TMEM132B: variants seen among roughly 807,000 people sequenced by gnomAD.
The protein encoded by TMEM132B is transmembrane protein 132B.
TMEM132B carries 18 observed loss-of-function variants against 90.8 expected under a neutral mutation model. The ratio of observed to expected loss-of-function variants is 0.20; its 90% CI spans 0.14 to 0.29. The LOEUF is 0.29. TMEM132B is among the 10% of genes least tolerant of loss of function. The probability of loss-of-function intolerance (pLI) is 1.00; values close to 1 mark genes in which losing one functional copy is unlikely to be tolerated. For synonymous variants in TMEM132B, 504 were observed against 523.3 expected (o/e 0.96, Z 0.50); for missense variants, 1,096 against 1,326.8 (o/e 0.83, Z 2.70).
chr12:125,528,058 T>G (rs779703650), intron 4 of TMEM132B, among the ~76,000 whole-genome samples: 3 of 152,184 alleles, frequency 2.0e-5, no homozygotes, highest in Non-Finnish European at 4.4e-5. Flanking sequence ...ACAGTGGTGC[T>G]TTCTGCATTA....
chr12:125,558,333 T>C (rs1340908927), intron 4 of TMEM132B, among the ~76,000 whole-genome samples: 1 of 152,150 alleles, frequency 6.6e-6, no homozygotes, highest in Non-Finnish European at 1.5e-5. Context: ...CTTACAGGTT[T>C]CTTAGGTGAA....
At chr12:125,420,624 C>T (rs1273326833) in intron 3 of TMEM132B, among the ~76,000 whole-genome samples, 1 of 152,208 alleles carries the variant, frequency 6.6e-6, no homozygotes, top group Non-Finnish European at 1.5e-5. Flanking sequence ...GAGACATTTT[C>T]TCCATTGTCT....
chr12:125,481,979 C>A (rs574185323), intron 3 of TMEM132B, among the ~76,000 whole-genome samples: 4 of 152,286 alleles, frequency 2.6e-5, no homozygotes, highest in African/African-American at 9.6e-5. Context: ...CTTTGACAAA[C>A]CTGACAAAAA....
At chr12:125,608,931 A>G (rs1176027126) in intron 5 of TMEM132B, among the ~76,000 whole-genome samples, 2 of 152,160 alleles carry the variant, frequency 1.3e-5, no homozygotes, top group Non-Finnish European at 2.9e-5. Flanking sequence ...TGGGTAATTT[A>G]TAAAGAAAAG....
intron 1 of TMEM132B, among the ~76,000 whole-genome samples, chr12:125,284,031 C>G (rs1205225891): frequency 6.6e-6 from 1 of 152,160 alleles, no homozygotes; most frequent in Non-Finnish European, 1.5e-5. Context: ...TCAGTTCTAC[C>G]CCAGGATGGC....
At chr12:125,649,116 CA>C (rs1681206556) in intron 6 of TMEM132B, among the ~76,000 whole-genome samples, 1 of 152,204 alleles carries the variant, frequency 6.6e-6, no homozygotes, top group African/African-American at 2.4e-5. Flanking sequence ...CGGAGATACT[CA>C]TTTCTTACTT....
At chr12:125,581,973 G>A (rs1329123131) in intron 4 of TMEM132B, among the ~76,000 whole-genome samples, 1 of 151,980 alleles carries the variant, frequency 6.6e-6, no homozygotes. Flanking sequence ...TGTTCTTTTG[G>A]ATTTATCTCT....
chr12:125,519,662 A>G (rs770992754), intron 4 of TMEM132B, 37 bp downstream of exon 4: 75 of 1,608,018 alleles, frequency 4.7e-5, no homozygotes, highest in Non-Finnish European at 5.9e-5. Context: ...AGTGTCACAA[A>G]GAAGTTTTCT....
chr12:125,453,259 C>G (rs1400368682), intron 3 of TMEM132B, among the ~76,000 whole-genome samples: 1 of 152,020 alleles, frequency 6.6e-6, no homozygotes, highest in African/African-American at 2.4e-5. Flanking sequence ...TTGCCTTTTT[C>G]CATCATATCT....
At chr12:125,379,108 A>G (rs1412069764) in intron 2 of TMEM132B, among the ~76,000 whole-genome samples, 1 of 152,180 alleles carries the variant, frequency 6.6e-6, no homozygotes, top group African/African-American at 2.4e-5. Flanking sequence ...CAAGAATTTA[A>G]TTGGAGCTTC....
At chr12:125,211,743 C>T (rs990531026) in intron 1 of TMEM132B, among the ~76,000 whole-genome samples, 34 of 152,214 alleles carry the variant, frequency 2.2e-4, no homozygotes, top group African/African-American at 6.8e-4. Flanking sequence ...ATAATAAATG[C>T]CTTCTCTTCC....
intron 4 of TMEM132B, among the ~76,000 whole-genome samples, chr12:125,533,699 C>T (rs1331213370): frequency 1.3e-5 from 2 of 152,156 alleles, no homozygotes; most frequent in Non-Finnish European, 2.9e-5. Flanking sequence ...TCCTGGAGCC[C>T]CTGCCCGGCC....
rs1191602516 is a variant in TMEM132B at position 125,408,353 on chromosome 12, G to A, written c.960-7178G>A. ...CCCCAAGGCAGAGTTATTAGGAGGT[G>A]GGGCCTTTTGGGAGATTAGGTCATC... On this transcript the variant is annotated intron_variant, in intron 2 of 8. Coordinates refer to ENST00000682704, the MANE Select transcript of TMEM132B (RefSeq NM_001366854.1). The surrounding 1 kb of genome is among the most constrained non-coding windows in gnomAD (Gnocchi z 5.9). 6.6e-6 allele frequency among the ~76,000 whole-genome samples: 1 copy of A among 152,144 alleles called. No individual in the cohort carries two copies. The highest frequency in any genetic ancestry group is 1.9e-4 in the East Asian group (1 of 5,192).
intron 5 of TMEM132B, chr12:125,587,242 C>G (rs1308605554): frequency 3.4e-5 from 5 of 148,302 alleles, no homozygotes; most frequent in African/African-American, 1.2e-4. Flanking sequence ...TGCGCACACA[C>G]ACAAGAAGCC....
chr12:125,653,502 C>T (rs975034843), intron 8 of TMEM132B, 63 bp from the exon 9 acceptor site: 9 of 1,490,590 alleles, frequency 6.0e-6, no homozygotes, highest in African/African-American at 1.4e-5. Flanking sequence ...GGAAATTATA[C>T]TTATGTTTTC....
At chr12:125,308,789 A>T (rs930826109) in intron 1 of TMEM132B, among the ~76,000 whole-genome samples, 1 of 152,162 alleles carries the variant, frequency 6.6e-6, no homozygotes, top group Non-Finnish European at 1.5e-5. Flanking sequence ...CCCAAACATT[A>T]CAGAAAACAT....
intron 2 of TMEM132B, among the ~76,000 whole-genome samples, chr12:125,413,618 C>T (rs1879919907): frequency 6.6e-6 from 1 of 152,224 alleles, no homozygotes; most frequent in Admixed American, 6.5e-5. Flanking sequence ...TTGTGTCTGG[C>T]TTCTTTCACT....
At position 125,656,319 on chromosome 12, in the gene TMEM132B, C is replaced by T. The variant is rs1018242252; in HGVS notation, c.*1609C>T. The T allele has an allele frequency of 6.6e-6, 1 of 152,180 alleles. No homozygotes were observed. The highest frequency in any genetic ancestry group is 1.5e-5 in the Non-Finnish European group (1 of 68,028). 9.4% of individuals were successfully genotyped at this position (152,180 alleles called of 1,614,324 possible). A position where few individuals can be genotyped will look rare whatever the true frequency, so the allele number is the denominator to read the frequency against. The stretch of plus-strand genomic sequence containing the variant: ...GGGGTCACCTGAAGCAGTGCCCTGA[C>T]TCCAAATGGCTGATAACTGAGCTAA... On this transcript the variant is annotated 3_prime_UTR_variant, in exon 9 of 9. Coordinates refer to ENST00000682704, the MANE Select transcript of TMEM132B (RefSeq NM_001366854.1).
chr12:125,295,515 T>TGTGTGAGAGA (rs531489519), intron 1 of TMEM132B, among the ~76,000 whole-genome samples: 1 of 142,432 alleles, frequency 7.0e-6, no homozygotes, highest in African/African-American at 2.7e-5. Context: ...TGTGTGTGTG[T>TGTGTGAGAGA]GAGAGAGAGA....
Sources: allele counts gnomAD v4.1 joint callset (sites outside exome capture counted in the v4.1 genomes callset), GRCh38; gene constraint gnomAD v4.1.1; non-coding constraint Gnocchi (gnomAD v3.1); transcripts MANE v1.5; gene names NCBI Gene and HGNC (gene_info 2026-07-23, HGNC 2026-07-21).